SYT9: variants seen among roughly 807,000 people sequenced by gnomAD.
SYT9 encodes synaptotagmin 9, also known as synaptotagmin-9.
SYT9 carries 22 observed loss-of-function variants against 48.4 expected under a neutral mutation model. The ratio of observed to expected loss-of-function variants is 0.45; its 90% CI spans 0.32 to 0.65. SYT9 has a LOEUF of 0.65. Among genes scored for constraint, SYT9 ranks in the 30% least tolerant of loss-of-function variants. The pLI, the probability that SYT9 is intolerant of heterozygous loss-of-function variation, is 0.03. For synonymous variants in SYT9, 265 were observed against 245.0 expected, an observed-to-expected ratio of 1.08 and a Z score of -0.76; for missense variants, 577 against 622.0, an observed-to-expected ratio of 0.93 and a Z score of 0.77.
intron 3 of SYT9, among the ~76,000 whole-genome samples, chr11:7,409,176 T>C (rs1218964790): frequency 6.6e-6 from 1 of 152,224 alleles, no homozygotes; most frequent in Admixed American, 6.5e-5. Flanking sequence ...TTTTTGTCCT[T>C]GATTTTGTTT....
intron 3 of SYT9, among the ~76,000 whole-genome samples, chr11:7,365,292 G>C (rs1850219799): frequency 6.6e-6 from 1 of 152,158 alleles, no homozygotes; most frequent in Non-Finnish European, 1.5e-5. Context: ...ATCCAAGATG[G>C]AATAAAAGAT....
chr11:7,417,936 T>C, intron 4 of SYT9, 21 bp from the exon 5 acceptor site: 1 of 1,608,288 alleles, frequency 6.2e-7, no homozygotes. Context: ...ACAGTACTCC[T>C]GCTTCTCATG....
At chr11:7,385,292 T>TTTG (rs1242159317) in intron 3 of SYT9, among the ~76,000 whole-genome samples, 2 of 151,978 alleles carry the variant, frequency 1.3e-5, no homozygotes, top group Non-Finnish European at 2.9e-5. Flanking sequence ...TCTGTAAATG[T>TTTG]TTGTTGAATG....
upstream of SYT9, among the ~76,000 whole-genome samples, chr11:7,251,234 CTG>C (rs1847861805): frequency 6.6e-6 from 1 of 152,072 alleles, no homozygotes; most frequent in East Asian, 1.9e-4. Context: ...CTCCAAGATT[CTG>C]TGATACTCCT....
chr11:7,331,570 A>G (rs760532342), intron 3 of SYT9, among the ~76,000 whole-genome samples: 1 of 152,112 alleles, frequency 6.6e-6, no homozygotes, highest in Non-Finnish European at 1.5e-5. Flanking sequence ...GTAATAGTAC[A>G]AAAATTAGCC....
chr11:7,295,821 T>C (rs1848794896), intron 1 of SYT9, among the ~76,000 whole-genome samples: 1 of 152,224 alleles, frequency 6.6e-6, no homozygotes, highest in South Asian at 2.1e-4. Flanking sequence ...CAACTAGCAC[T>C]CTTGAAATTT....
intron 3 of SYT9, among the ~76,000 whole-genome samples, chr11:7,379,327 G>A (rs1358545875): frequency 6.6e-6 from 1 of 152,162 alleles, no homozygotes; most frequent in Non-Finnish European, 1.5e-5. Context: ...TGTGTCAGGT[G>A]CACCAAGGAT....
intron 6 of SYT9, among the ~76,000 whole-genome samples, chr11:7,446,542 C>A (rs1358043437): frequency 6.6e-6 from 1 of 152,166 alleles, no homozygotes; most frequent in East Asian, 1.9e-4. Context: ...ATGACAACTT[C>A]CTGATCCCAA....
At chr11:7,464,146 A>T (rs1848285180) in intron 6 of SYT9, among the ~76,000 whole-genome samples, 1 of 152,174 alleles carries the variant, frequency 6.6e-6, no homozygotes, top group Non-Finnish European at 1.5e-5. Context: ...CATAATAGGG[A>T]AAAATGAGGT....
intron 3 of SYT9, among the ~76,000 whole-genome samples, chr11:7,377,617 A>G (rs1357485614): frequency 6.6e-6 from 1 of 152,072 alleles, no homozygotes; most frequent in Non-Finnish European, 1.5e-5. Flanking sequence ...AAAAGGTGAG[A>G]GGCAAGGCCA....
At chr11:7,385,199 G>A (rs1383891655) in intron 3 of SYT9, among the ~76,000 whole-genome samples, 2 of 152,040 alleles carry the variant, frequency 1.3e-5, no homozygotes, top group Non-Finnish European at 2.9e-5. Flanking sequence ...AGCTCCATGA[G>A]AGTAAATAAT....
chr11:7,319,192 C>CTTTTTTTTTTTTTTTTTTTT (rs71056795), intron 3 of SYT9, among the ~76,000 whole-genome samples: 1 of 86,188 alleles, frequency 1.2e-5, no homozygotes, highest in African/African-American at 4.5e-5. Flanking sequence ...TCTTCTTTTT[C>CTTTTTTTTTTTTTTTTTTTT]TTTTTTTTTT....
At chr11:7,269,071 A>G (rs962719955) in intron 1 of SYT9, among the ~76,000 whole-genome samples, 1 of 151,956 alleles carries the variant, frequency 6.6e-6, no homozygotes, top group African/African-American at 2.4e-5. Context: ...TTTCCTTTTT[A>G]TTACTGATTA....
At chr11:7,271,384 A>G (rs992674598) in intron 1 of SYT9, among the ~76,000 whole-genome samples, 1 of 152,052 alleles carries the variant, frequency 6.6e-6, no homozygotes, top group Non-Finnish European at 1.5e-5. Context: ...TTCAAAAGCA[A>G]CACTCCTATA....
At chr11:7,300,974 C>T (rs1307222204) in intron 1 of SYT9, among the ~76,000 whole-genome samples, 1 of 152,194 alleles carries the variant, frequency 6.6e-6, no homozygotes, top group Non-Finnish European at 1.5e-5. Flanking sequence ...CTGCCTGTTG[C>T]TCTGCACCTG....
intron 5 of SYT9, among the ~76,000 whole-genome samples, chr11:7,419,888 T>A (rs1847318087): frequency 6.6e-6 from 1 of 151,994 alleles, no homozygotes; most frequent in Non-Finnish European, 1.5e-5. Flanking sequence ...AGAGTGAGAC[T>A]CCATTTCAAA....
rs533578744 is a variant in SYT9 at position 7,240,251 on chromosome 11, T to C, written c.49+1335T>C. ...CCTACCCTCATCTCACCCCATTCCA[T>C]TCCTGGCTGTCTATATTTGAAGGTA... is the stretch of plus-strand genomic sequence containing the variant. On this transcript the variant is annotated intron_variant and NMD_transcript_variant, in intron 1 of 8. Transcript: ENST00000524820. 3.9e-5 allele frequency among the ~76,000 whole-genome samples: 6 copies of C among 152,286 alleles called. No individual in the cohort carries two copies. The East Asian group carries it at 1.2e-3, about 29-fold the overall frequency.
intron 3 of SYT9, among the ~76,000 whole-genome samples, chr11:7,320,668 T>A (rs10839764): frequency 0.27 from 40,995 of 152,048 alleles, 5,814 homozygotes; most frequent in Non-Finnish European, 0.31. Context: ...TAATCTTTTT[T>A]AAAAAATTCT....
At chr11:7,360,545 T>A (rs1554912649) in intron 3 of SYT9, among the ~76,000 whole-genome samples, 2 of 152,184 alleles carry the variant, frequency 1.3e-5, no homozygotes, top group Non-Finnish European at 2.9e-5. Flanking sequence ...TGGTTTGTAG[T>A]TCTCCTTGAA....
Sources: allele counts gnomAD v4.1 joint callset (sites outside exome capture counted in the v4.1 genomes callset), GRCh38; gene constraint gnomAD v4.1.1; transcripts MANE v1.5; gene names NCBI Gene and HGNC (gene_info 2026-07-23, HGNC 2026-07-21).